Variants in ZNF469 observed in about 807,000 individuals in gnomAD.
ZNF469 encodes the protein zinc finger protein 469.
Under a neutral mutation model 1.0 loss-of-function variants are expected in ZNF469, and 1 was observed. The observed-to-expected ratio is 1.00, with a 90% confidence interval of 0.35 to 4.73. The LOEUF (loss-of-function observed/expected upper bound fraction) is 4.73. Ranked by LOEUF, ZNF469 falls within the 30% of genes most tolerant of loss-of-function variation. ZNF469 has a pLI of 0.16. For missense variants in ZNF469, 6,100 were observed against 5,356.3 expected, an observed-to-expected ratio of 1.14 and a Z score of -4.33; for synonymous variants, 2,703 against 2,363.4, an observed-to-expected ratio of 1.14 and a Z score of -4.17.
chr16:88,427,447 T>C lies in ZNF469; in HGVS notation c.-24T>C, dbSNP rs1905760950. 2.0e-6 allele frequency: 3 copies of C among 1,469,212 alleles called. No homozygotes were observed. The South Asian group carries it at 4.0e-5, about 20-fold the overall frequency. 91.0% of individuals were successfully genotyped at this position (1,469,212 alleles called of 1,614,324 possible). ...GGGCCCCCCTCGGACAGCTGCGTCGTCCTAGCGCCAGGACGGAGGGGCCAT... is the reference window on the plus strand; with the variant it reads ...GGGCCCCCCTCGGACAGCTGCGTCGCCCTAGCGCCAGGACGGAGGGGCCAT... On this transcript the variant is annotated 5_prime_UTR_variant, in exon 3 of 3. Transcript: ENST00000565624.
the ZNF469 span, among the ~76,000 whole-genome samples, chr16:88,131,403 G>T: frequency 1.3e-5 from 2 of 149,928 alleles, no homozygotes; most frequent in African/African-American, 5.1e-5. Flanking sequence ...CCTTCCCGGG[G>T]CCTGTTTGTT....
the ZNF469 span, among the ~76,000 whole-genome samples, chr16:88,184,802 G>C: frequency 9.3e-3 from 1,413 of 152,350 alleles, 22 homozygotes; most frequent in African/African-American, 0.032. Context: ...CACGCTGCAA[G>C]TGCTGCCAGG....
the ZNF469 span, among the ~76,000 whole-genome samples, chr16:88,349,481 C>T: frequency 1.9e-4 from 27 of 145,088 alleles, no homozygotes; most frequent in African/African-American, 6.4e-4. Flanking sequence ...CGGCACAATA[C>T]ACACCATACA....
chr16:88,281,465 G>A, the ZNF469 span, among the ~76,000 whole-genome samples: 1 of 149,022 alleles, frequency 6.7e-6, no homozygotes, highest in East Asian at 2.0e-4. Context: ...ACCGATGCTT[G>A]GTCAGTACCG....
chr16:88,147,973 C>A, the ZNF469 span, among the ~76,000 whole-genome samples: 1 of 152,058 alleles, frequency 6.6e-6, no homozygotes, highest in East Asian at 1.9e-4. Context: ...GTCTTTGCAC[C>A]CCACTCTGAA....
rs758555802 is a variant in ZNF469 at position 88,434,847 on chromosome 16, G to A, written c.7377G>A (p.Glu2459=). 3 of 1,550,228 alleles carry A rather than the reference G, an allele frequency of 1.9e-6. No individual in the cohort carries two copies. The highest frequency in any genetic ancestry group is 4.9e-5 in the East Asian group (2 of 40,932). ...RGYKKKPAST[E]NGQWKGQAPH... is the part of the protein sequence containing the mutation. ...ATAAAAAGAAGCCTGCATCTACAGA[G>A]AACGGCCAGTGGAAGGGCCAAGCTC... Residue 2459 remains glutamate (E), a synonymous_variant, in exon 3 of 3, where the codon GAG becomes GAA. Coordinates refer to ENST00000565624, the MANE Select transcript of ZNF469 (RefSeq NM_001367624.2).
chr16:88,208,410 C>G, the ZNF469 span, among the ~76,000 whole-genome samples: 5 of 142,240 alleles, frequency 3.5e-5, no homozygotes, highest in Non-Finnish European at 7.6e-5. Context: ...CTCATTACTA[C>G]TGGGGTGCCT....
the ZNF469 span, among the ~76,000 whole-genome samples, chr16:88,103,961 G>C: frequency 6.6e-6 from 1 of 152,064 alleles, no homozygotes. Context: ...CACTGCATTC[G>C]TCACTCTTAG....
At chr16:88,101,696 A>G in the ZNF469 span, among the ~76,000 whole-genome samples, 2 of 152,138 alleles carry the variant, frequency 1.3e-5, no homozygotes, top group East Asian at 3.9e-4. Context: ...TACGATATTT[A>G]TAAGAACTAG....
chr16:88,238,404 G>T, the ZNF469 span, among the ~76,000 whole-genome samples: 1 of 150,312 alleles, frequency 6.7e-6, no homozygotes, highest in Non-Finnish European at 1.5e-5. Context: ...GTGGGACGCA[G>T]AGACCCTAGA....
the ZNF469 span, among the ~76,000 whole-genome samples, chr16:88,109,894 C>G: frequency 6.6e-6 from 1 of 152,238 alleles, no homozygotes; most frequent in East Asian, 1.9e-4. Flanking sequence ...ACCTTTGGCC[C>G]CTGGGCACAT....
At chr16:88,259,210 G>A in the ZNF469 span, among the ~76,000 whole-genome samples, 1 of 152,206 alleles carries the variant, frequency 6.6e-6, no homozygotes, top group African/African-American at 2.4e-5. The surrounding 1 kb of genome is among the most constrained non-coding windows in gnomAD (Gnocchi z 4.1). Context: ...CGGCTTGTGA[G>A]TGGGAAGCAG....
chr16:88,251,538 C>CTTTTTTTTTTTTTT, the ZNF469 span, among the ~76,000 whole-genome samples: 10 of 51,288 alleles, frequency 1.9e-4, 2 homozygotes, highest in Middle Eastern at 0.015. Context: ...TCCCTGCTGT[C>CTTTTTTTTTTTTTT]TTTTTTTTTT....
chr16:88,436,455 G>T lies in ZNF469; in HGVS notation c.8985G>T (p.Ala2995=). 1 of 1,547,206 alleles carries T rather than the reference G, an allele frequency of 6.5e-7. No homozygotes were observed. The highest frequency in any genetic ancestry group is 8.7e-7 in the Non-Finnish European group (1 of 1,146,958). Residue 2995 remains alanine (A), a synonymous_variant, in exon 3 of 3, where the codon GCG becomes GCT. Coordinates refer to ENST00000565624, the MANE Select transcript of ZNF469 (RefSeq NM_001367624.2). ...TTCCTGAGCTGCACATGGTCCCAGC[G>T]GCTTGGCGAGGCCTGGAGATGCCGG... ...EAIPELHMVP[A]AWRGLEMPAP...
At chr16:88,154,461 C>T in the ZNF469 span, among the ~76,000 whole-genome samples, 4 of 152,214 alleles carry the variant, frequency 2.6e-5, no homozygotes, top group Admixed American at 6.5e-5. Context: ...CCACCGCACC[C>T]GGTCTGCCCC....
chr16:88,428,535 C>A lies in ZNF469; in HGVS notation c.1065C>A (p.Leu355=), dbSNP rs748505843. ...LNRHSDLSGA[L]SSPGAAHSAP... is the part of the protein sequence containing the mutation. ...GCCACAGCGACCTCAGTGGTGCCCT[C>A]TCTTCCCCTGGAGCTGCTCACTCGG... The change falls in exon 3 of 3, where the codon CTC becomes CTA. Residue 355 remains leucine, a synonymous_variant. Coordinates refer to ENST00000565624, the MANE Select transcript of ZNF469 (RefSeq NM_001367624.2). The A allele has an allele frequency of 1.5e-4, 233 of 1,549,982 alleles. No individual in the cohort carries two copies. The highest frequency in any genetic ancestry group is 1.9e-4 in the Non-Finnish European group (222 of 1,146,864).
chr16:88,360,177 C>T, the ZNF469 span, among the ~76,000 whole-genome samples: 7 of 151,092 alleles, frequency 4.6e-5, no homozygotes, highest in Non-Finnish European at 7.4e-5. Flanking sequence ...CACACCATCA[C>T]GCCCAACTAA....
the ZNF469 span, among the ~76,000 whole-genome samples, chr16:88,214,678 G>A: frequency 2.6e-5 from 4 of 152,064 alleles, no homozygotes; most frequent in Admixed American, 1.3e-4. Flanking sequence ...GACAGGCCCC[G>A]GTGTGTGATG....
In ZNF469 at chr16:88,427,804, G is replaced by A. The variant is rs766853024; in HGVS notation, c.334G>A (p.Ala112Thr). The change falls in exon 3 of 3, where the codon GCA (alanine) becomes ACA (threonine). Residue 112 changes from alanine (A) to threonine (T), a missense_variant. Coordinates refer to ENST00000565624, the MANE Select transcript of ZNF469 (RefSeq NM_001367624.2). ...LQAPSRLAGR[A>T]EGSPPQRYIL... ...GGCTCCCTCAAGGCTGGCGGGCAGG[G>A]CAGAGGGCAGCCCCCCACAGCGCTA... The A allele has an allele frequency of 2.6e-5, 41 of 1,547,736 alleles. No homozygotes were observed. In the African/African-American group the frequency reaches 5.5e-4, roughly 21 times the overall value.
Sources: gnomAD v4.1 joint callset for allele counts (sites outside exome capture counted in the v4.1 genomes callset) on GRCh38, gnomAD v4.1.1 for gene constraint, Gnocchi (gnomAD v3.1) non-coding constraint, MANE v1.5 for transcripts, NCBI Gene and HGNC (gene_info 2026-07-23, HGNC 2026-07-21) for gene names.